The following EXOC6 variants were observed in gnomAD, a reference collection of about 807,000 sequenced individuals.
The protein encoded by EXOC6 is SEC15-like 1.
A neutral mutation model predicts 112.5 loss-of-function variants in EXOC6; 60 were observed. That is an observed-to-expected ratio of 0.53 (90% CI 0.43 to 0.66). The LOEUF is 0.66. Among genes scored for constraint, EXOC6 ranks in the 30% least tolerant of loss-of-function variants. The pLI is 0.00. For synonymous variants in EXOC6, 295 were observed against 308.0 expected (o/e 0.96, Z 0.44); for missense variants, 855 against 957.1 (o/e 0.89, Z 1.41).
intron 5 of EXOC6, among the ~76,000 whole-genome samples, chr10:92,904,075 C>A (rs1427568828): frequency 6.6e-6 from 1 of 152,036 alleles, no homozygotes; most frequent in African/African-American, 2.4e-5. Flanking sequence ...TATGTTCAGA[C>A]TGGCTTATTT....
chr10:92,872,179 C>T (rs576136997), intron 1 of EXOC6, among the ~76,000 whole-genome samples: 121 of 152,208 alleles, frequency 7.9e-4, no homozygotes, highest in African/African-American at 2.7e-3. Flanking sequence ...GTGTATTCTA[C>T]ATGTTCTGAT....
intron 19 of EXOC6, among the ~76,000 whole-genome samples, chr10:93,000,074 T>C (rs1843688087): frequency 6.6e-6 from 1 of 152,200 alleles, no homozygotes; most frequent in African/African-American, 2.4e-5. Flanking sequence ...ATAATTAATA[T>C]AACGTTCATT....
At chr10:92,874,748 G>C (rs1181775676) in intron 1 of EXOC6, among the ~76,000 whole-genome samples, 1 of 152,144 alleles carries the variant, frequency 6.6e-6, no homozygotes, top group Non-Finnish European at 1.5e-5. Context: ...TTGAAAGACT[G>C]GAACAAAGAA....
chr10:92,869,338 G>A (rs547066293), intron 1 of EXOC6, among the ~76,000 whole-genome samples: 143 of 150,222 alleles, frequency 9.5e-4, no homozygotes, highest in African/African-American at 3.3e-3. Context: ...AGACAGGGTC[G>A]CACTCTGTTG....
intron 7 of EXOC6, among the ~76,000 whole-genome samples, chr10:92,916,335 C>T (rs940995830): frequency 1.3e-5 from 2 of 152,054 alleles, no homozygotes; most frequent in African/African-American, 4.8e-5. Context: ...CATGGTGAAA[C>T]CCTGTCTCTA....
At chr10:92,846,265 G>T (rs1158801313), upstream of EXOC6, among the ~76,000 whole-genome samples, 1 of 152,244 alleles carries the variant, frequency 6.6e-6, no homozygotes, top group African/African-American at 2.4e-5. Flanking sequence ...ATCAGGACTG[G>T]TGAAGAAAAG....
At position 92,896,142 on chromosome 10, in the gene EXOC6, TA is replaced by T. The variant is rs1849773832; in HGVS notation, c.412+1123del. On this transcript the variant is annotated intron_variant, in intron 4 of 21. Transcript: ENST00000260762. ...ATATGTGTGTGTGTGTGTGTGTATG[TA>T]TGTGTATATATATATATATATATAT... Among the ~76,000 whole-genome samples the T allele has an allele frequency of 8.3e-5, 3 of 36,150 alleles. 1 individual carries two copies. Among genetic ancestry groups the T allele is most frequent in the Non-Finnish European group, 1.3e-4 (3 of 22,640 alleles). The allele number at this position is 36,150 out of a possible 152,430, so 23.7% of individuals were successfully genotyped here.
At chr10:92,976,574 A>G (rs927600600) in intron 18 of EXOC6, among the ~76,000 whole-genome samples, 15 of 150,192 alleles carry the variant, frequency 1.0e-4, no homozygotes, top group South Asian at 2.1e-4. Context: ...ACCTTTGTTC[A>G]CTTGTTTATC....
intron 20 of EXOC6, among the ~76,000 whole-genome samples, chr10:93,054,814 A>T (rs2134387083): frequency 6.6e-6 from 1 of 152,348 alleles, no homozygotes; most frequent in South Asian, 2.1e-4. Flanking sequence ...TACCTGAAAG[A>T]AGAATCCTTG....
chr10:92,846,884 TG>T (rs917616379), upstream of EXOC6, among the ~76,000 whole-genome samples: 4 of 152,224 alleles, frequency 2.6e-5, no homozygotes, highest in African/African-American at 9.6e-5. Context: ...TCTAATCATA[TG>T]GGTCCTTAAA....
chr10:93,023,449 G>A (rs1428787000), intron 20 of EXOC6, among the ~76,000 whole-genome samples: 1 of 152,210 alleles, frequency 6.6e-6, no homozygotes, highest in African/African-American at 2.4e-5. Flanking sequence ...ACTTGCTAAT[G>A]GAAGCCAGTT....
At chr10:93,043,070 G>A (rs1205469212) in intron 20 of EXOC6, among the ~76,000 whole-genome samples, 1 of 151,884 alleles carries the variant, frequency 6.6e-6, no homozygotes, top group African/African-American at 2.4e-5. Flanking sequence ...TGAGTAGCTG[G>A]GATTACAGGT....
intron 17 of EXOC6, among the ~76,000 whole-genome samples, chr10:92,965,649 C>T (rs1842014626): frequency 6.6e-6 from 1 of 152,186 alleles, no homozygotes; most frequent in African/African-American, 2.4e-5. Flanking sequence ...GTAATCATCT[C>T]TTAGGAATGT....
At chr10:93,025,225 A>G (rs1435492198) in intron 20 of EXOC6, among the ~76,000 whole-genome samples, 1 of 152,226 alleles carries the variant, frequency 6.6e-6, no homozygotes, top group African/African-American at 2.4e-5. Flanking sequence ...ACCTCCATGA[A>G]CAAATTGTGT....
At chr10:92,960,535 T>C (rs1360694695) in intron 17 of EXOC6, among the ~76,000 whole-genome samples, 1 of 151,564 alleles carries the variant, frequency 6.6e-6, no homozygotes. Context: ...CTCTGTACTT[T>C]CTGTTCAGTT....
intron 17 of EXOC6, among the ~76,000 whole-genome samples, chr10:92,969,869 T>G (rs529201085): frequency 6.6e-6 from 1 of 152,218 alleles, no homozygotes; most frequent in Admixed American, 6.5e-5. Flanking sequence ...AATTTTTGTA[T>G]TTTTGGTAGA....
intron 20 of EXOC6, among the ~76,000 whole-genome samples, chr10:93,018,368 A>T (rs925244169): frequency 6.6e-6 from 1 of 152,242 alleles, no homozygotes; most frequent in Non-Finnish European, 1.5e-5. Flanking sequence ...GTACACGTAC[A>T]TAAGTTATAC....
intron 17 of EXOC6, among the ~76,000 whole-genome samples, chr10:92,968,638 C>T (rs1403597638): frequency 2.0e-5 from 3 of 152,064 alleles, no homozygotes; most frequent in Non-Finnish European, 4.4e-5. Flanking sequence ...TTTAGTAAGA[C>T]ATTTATTGAG....
intron 20 of EXOC6, among the ~76,000 whole-genome samples, chr10:93,048,191 C>CCATTGAAGGTTTTTATTATTTTTCA (rs1554928671): frequency 6.6e-6 from 1 of 151,492 alleles, no homozygotes; most frequent in Non-Finnish European, 1.5e-5. Context: ...TGCAGCACAC[C>CCATTGAAGGTTTTTATTATTTTTCA]AACATGGCAC....
Sources: gnomAD v4.1 joint callset for allele counts (sites outside exome capture counted in the v4.1 genomes callset) on GRCh38, gnomAD v4.1.1 for gene constraint, MANE v1.5 for transcripts, NCBI Gene and HGNC (gene_info 2026-07-23, HGNC 2026-07-21) for gene names.